Variants in TMEM87A observed in about 807,000 individuals in gnomAD.
TMEM87A encodes transmembrane protein 87A, also known as Golgi-pH regulating cation channel.
A neutral mutation model predicts 90.0 loss-of-function variants in TMEM87A; 50 were observed. The ratio of observed to expected loss-of-function variants is 0.56; its 90% confidence interval spans 0.44 to 0.70. The LOEUF (loss-of-function observed/expected upper bound fraction) is 0.70. TMEM87A is among the 30% of genes least tolerant of loss of function. The pLI is 0.00. For missense variants in TMEM87A, 577 were observed against 660.5 expected (o/e 0.87, Z 1.39); for synonymous variants, 226 against 226.7 (o/e 1.00, Z 0.03).
chr15:42,267,542 C>T (rs2051430013), intron 3 of TMEM87A, among the ~76,000 whole-genome samples: 1 of 152,172 alleles, frequency 6.6e-6, no homozygotes, highest in Non-Finnish European at 1.5e-5. Flanking sequence ...ATACAGTGAT[C>T]TTCTGTTATG....
intron 6 of TMEM87A, chr15:42,258,061 C>T (rs982373287): frequency 2.1e-6 from 2 of 974,666 alleles, no homozygotes; most frequent in Admixed American, 6.2e-5. Flanking sequence ...ATATTAATCA[C>T]AACACTGCAT....
At chr15:42,243,314 A>AAATAAATT (rs2050908682) in intron 7 of TMEM87A, among the ~76,000 whole-genome samples, 1 of 9,878 alleles carries the variant, frequency 1.0e-4, no homozygotes, top group Admixed American at 5.9e-4. Context: ...ATAAATAAAT[A>AAATAAATT]AAAAAAAAGA....
At chr15:42,240,886 T>C (rs1361162935) in intron 7 of TMEM87A, among the ~76,000 whole-genome samples, 1 of 152,222 alleles carries the variant, frequency 6.6e-6, no homozygotes, top group Non-Finnish European at 1.5e-5. Context: ...CCTAATTCAA[T>C]AAAAGAGTAA....
rs967273036 is a variant in TMEM87A at position 42,269,396 on chromosome 15, C to A, written c.206-1364G>T. On this transcript the variant is annotated intron_variant, in intron 2 of 19. Transcript: ENST00000389834. Reference sequence around the variant, plus strand: ...TTTTCTCAAACTAATTTTTAGATGACCAACACATTTTCAAAGGACTCTATT... The same window carrying A: ...TTTTCTCAAACTAATTTTTAGATGAACAACACATTTTCAAAGGACTCTATT... Among the ~76,000 whole-genome samples, 9 of 151,814 alleles carry A rather than the reference C, an allele frequency of 5.9e-5. No individual in the cohort carries two copies. In the South Asian group the frequency reaches 1.9e-3, roughly 31 times the overall value.
At chr15:42,247,690 C>G (rs1016664793) in intron 6 of TMEM87A, among the ~76,000 whole-genome samples, 6 of 152,064 alleles carry the variant, frequency 3.9e-5, no homozygotes, top group South Asian at 4.1e-4. Context: ...GTTACTGTAG[C>G]CTTGTAGTAT....
At chr15:42,268,363 A>G (rs2051446669) in intron 2 of TMEM87A, among the ~76,000 whole-genome samples, 2 of 152,216 alleles carry the variant, frequency 1.3e-5, no homozygotes, top group South Asian at 4.1e-4. Flanking sequence ...CCAGTCTTCT[A>G]TTATTTAAGT....
chr15:42,214,897 GAAA>G (rs146973357), intron 19 of TMEM87A, among the ~76,000 whole-genome samples: 1,561 of 152,244 alleles, frequency 0.01, 33 homozygotes, highest in African/African-American at 0.036. Context: ...ACAACAGAAT[GAAA>G]AGCAACCTAC....
intron 19 of TMEM87A, among the ~76,000 whole-genome samples, chr15:42,217,570 G>A (rs2050403513): frequency 6.6e-6 from 1 of 152,180 alleles, no homozygotes. Context: ...ACATTCTGAA[G>A]TCTGACCATA....
chr15:42,216,570 A>C (rs1461978143), intron 19 of TMEM87A, among the ~76,000 whole-genome samples: 2 of 152,238 alleles, frequency 1.3e-5, no homozygotes, highest in Non-Finnish European at 2.9e-5. Context: ...TGGAGAGCTG[A>C]AGTACAAGGG....
At chr15:42,249,064 AT>A (rs1330417418) in intron 6 of TMEM87A, among the ~76,000 whole-genome samples, 1 of 152,090 alleles carries the variant, frequency 6.6e-6, no homozygotes, top group Non-Finnish European at 1.5e-5. Context: ...TTTCTAGTTT[AT>A]TTGTGTGGAG....
At chr15:42,256,762 G>A (rs139693337) in intron 6 of TMEM87A, among the ~76,000 whole-genome samples, 150 of 152,174 alleles carry the variant, frequency 9.9e-4, no homozygotes, top group African/African-American at 3.5e-3. Flanking sequence ...TGGCTCTATC[G>A]CCTAGAGTGA....
chr15:42,233,108 T>G (rs1238200808), intron 11 of TMEM87A, 105 bp downstream of exon 11: 1 of 935,614 alleles, frequency 1.1e-6, no homozygotes, highest in African/African-American at 1.7e-5. Flanking sequence ...CAAAAGTGAC[T>G]TAAAGCAAAC....
chr15:42,217,694 T>C, intron 19 of TMEM87A, 109 bp downstream of exon 19: 1 of 1,026,010 alleles, frequency 9.7e-7, no homozygotes, highest in Non-Finnish European at 1.5e-6. Flanking sequence ...AAACTATAGT[T>C]TTCAGGCCAC....
intron 19 of TMEM87A, among the ~76,000 whole-genome samples, chr15:42,214,129 G>GC (rs201687268): frequency 0.018 from 2,713 of 151,950 alleles, 57 homozygotes; most frequent in Non-Finnish European, 0.022. Context: ...AAATCCGGGG[G>GC]GGGAACACAC....
At position 42,219,653 on chromosome 15, in the gene TMEM87A, A is replaced by T; in HGVS notation, c.1478-11T>A. 6.4e-7 allele frequency: 1 copy of T among 1,566,322 alleles called. No individual in the cohort carries two copies. The highest frequency in any genetic ancestry group is 1.1e-5 in the South Asian group (1 of 87,660). ...TCATTTTCATTCCTTCTGTAGAAGAAAATAAATATACACTGTTTAACTTTG... is the reference window on the plus strand; with the variant it reads ...TCATTTTCATTCCTTCTGTAGAAGATAATAAATATACACTGTTTAACTTTG... On this transcript the variant is annotated splice_polypyrimidine_tract_variant and intron_variant, in intron 16 of 19. Transcript: ENST00000389834.
chr15:42,210,923 T>G lies in TMEM87A; in HGVS notation c.*785A>C, dbSNP rs1189918748. The G allele has an allele frequency of 6.6e-6, 1 of 152,612 alleles. No homozygotes were observed. Among genetic ancestry groups the G allele is most frequent in the Non-Finnish European group, 1.5e-5 (1 of 68,024 alleles). The allele number at this position is 152,612 out of a possible 1,614,324, so 9.5% of individuals were successfully genotyped here. Reference sequence around the variant, plus strand: ...CCTAAGGACCCTGCAATGCCACCCTTGGAGGCTTACAAAACAGTAGTTAAA... The same window carrying G: ...CCTAAGGACCCTGCAATGCCACCCTGGGAGGCTTACAAAACAGTAGTTAAA... On this transcript the variant is annotated 3_prime_UTR_variant, in exon 20 of 20. Coordinates refer to ENST00000389834, the MANE Select transcript of TMEM87A (RefSeq NM_015497.5).
At chr15:42,268,351 A>C (rs1251619807) in intron 2 of TMEM87A, among the ~76,000 whole-genome samples, 1 of 152,188 alleles carries the variant, frequency 6.6e-6, no homozygotes, top group African/African-American at 2.4e-5. Context: ...TCTAAATTCA[A>C]GCCAGTCTTC....
At chr15:42,222,565 T>TC (rs1173774409) in intron 15 of TMEM87A, among the ~76,000 whole-genome samples, 5 of 151,844 alleles carry the variant, frequency 3.3e-5, no homozygotes, top group African/African-American at 1.2e-4. Context: ...ATTGTGATTT[T>TC]TTTTTTTTTT....
intron 6 of TMEM87A, among the ~76,000 whole-genome samples, chr15:42,254,844 A>G (rs1022642122): frequency 1.1e-4 from 17 of 152,196 alleles, no homozygotes; most frequent in African/African-American, 3.9e-4. Flanking sequence ...TAAACTATAG[A>G]CTTTGATAAT....
Sources: gnomAD v4.1 joint callset for allele counts (sites outside exome capture counted in the v4.1 genomes callset) on GRCh38, gnomAD v4.1.1 for gene constraint, MANE v1.5 for transcripts, NCBI Gene and HGNC (gene_info 2026-07-23, HGNC 2026-07-21) for gene names.